Variants in TTC7A observed in about 807,000 individuals in gnomAD.
The protein encoded by TTC7A is tetratricopeptide repeat protein 7A.
In TTC7A, 110 loss-of-function variants were observed where a neutral mutation model predicts 103.7. That is an observed-to-expected ratio of 1.06 (90% CI 0.91 to 1.24). The LOEUF is 1.24. Ranked by LOEUF, TTC7A falls within the 50% of genes most tolerant of loss-of-function variation. The pLI, the probability that TTC7A is intolerant of heterozygous loss-of-function variation, is 0.00. For missense variants in TTC7A, 1,340 were observed against 1,116.3 expected (o/e 1.20, Z -2.86); for synonymous variants, 521 against 467.9 (o/e 1.11, Z -1.47).
At chr2:46,947,179 G>A (rs1035073418) in intron 1 of TTC7A, among the ~76,000 whole-genome samples, 2 of 152,156 alleles carry the variant, frequency 1.3e-5, no homozygotes, top group African/African-American at 4.8e-5. Flanking sequence ...GAGACAGGGT[G>A]TTTTTGGCTC....
At chr2:47,071,457 T>C (rs1684704877) in intron 19 of TTC7A, among the ~76,000 whole-genome samples, 1 of 152,208 alleles carries the variant, frequency 6.6e-6, no homozygotes, top group South Asian at 2.1e-4. Context: ...CTGCTCATCT[T>C]GAAGGCGCTG....
At chr2:46,980,336 C>T (rs1159910061) in intron 5 of TTC7A, among the ~76,000 whole-genome samples, 2 of 151,514 alleles carry the variant, frequency 1.3e-5, no homozygotes, top group Admixed American at 6.6e-5. Context: ...CCTCCCACCT[C>T]AGCCTCCTGA....
At chr2:46,952,718 C>T (rs1671521944) in intron 2 of TTC7A, among the ~76,000 whole-genome samples, 1 of 152,170 alleles carries the variant, frequency 6.6e-6, no homozygotes, top group Non-Finnish European at 1.5e-5. Context: ...TGCCACTGCA[C>T]TCCAGCCTGG....
chr2:46,981,790 A>T (rs183753127), intron 5 of TTC7A, among the ~76,000 whole-genome samples: 1 of 152,198 alleles, frequency 6.6e-6, no homozygotes, highest in African/African-American at 2.4e-5. Flanking sequence ...TCCCTGCCCA[A>T]TGGAGCTGCT....
Position 46,978,562 on chromosome 2 carries a change from T to TAAAAAAAA in TTC7A, c.649-224_649-217dup, listed in dbSNP as rs74444627. 1.4e-4 allele frequency among the ~76,000 whole-genome samples: 18 copies of TAAAAAAAA among 132,756 alleles called. 1 individual carries two copies. The highest frequency in any genetic ancestry group is 1.3e-4 in the Non-Finnish European group (8 of 62,986). The allele number at this position is 132,756 out of a possible 152,430, so 87.1% of individuals were successfully genotyped here. ...GGCAACATAGTAAGACCCTGTTTCT[T>TAAAAAAAA]AAAAAAAAAAAAAGACAGAGGGCTT... On this transcript the variant is annotated intron_variant, in intron 4 of 19. Coordinates refer to ENST00000319190, the MANE Select transcript of TTC7A (RefSeq NM_020458.4).
At chr2:46,940,719 G>A (rs1171855873), upstream of TTC7A, among the ~76,000 whole-genome samples, 3 of 152,238 alleles carry the variant, frequency 2.0e-5, no homozygotes, top group Non-Finnish European at 2.9e-5. The surrounding 1 kb of genome is among the most constrained non-coding windows in gnomAD (Gnocchi z 4.7). Flanking sequence ...CAGCAGAGGG[G>A]CGTCCAGAGA....
In TTC7A at chr2:47,029,289, C is replaced by T. The variant is rs1488968603; in HGVS notation, c.1707C>T (p.Leu569=). The change falls in exon 15 of 20, where the codon CTC becomes CTT. Residue 569 remains leucine (L), a synonymous_variant. Coordinates refer to ENST00000319190, the MANE Select transcript of TTC7A (RefSeq NM_020458.4). ...TACGCAAGGATGATGCCCACGCCCT[C>T]CACCTGCTGGCACTGCTCTTCTCTG... The part of the protein sequence containing the change: ...LKVRKDDAHA[L]HLLALLFSAQ... The T allele has an allele frequency of 6.2e-7, 1 of 1,614,086 alleles. No individual in the cohort carries two copies. The highest frequency in any genetic ancestry group is 1.7e-5 in the Admixed American group (1 of 60,028).
chr2:47,053,040 C>T (rs1452695177), intron 18 of TTC7A, among the ~76,000 whole-genome samples: 1 of 152,122 alleles, frequency 6.6e-6, no homozygotes, highest in East Asian at 1.9e-4. Context: ...GCAGTACGCC[C>T]CCACTCTCCC....
At chr2:46,929,715 CA>C (rs1230675378) in intron 2 of TTC7A, among the ~76,000 whole-genome samples, 1 of 151,988 alleles carries the variant, frequency 6.6e-6, no homozygotes, top group Non-Finnish European at 1.5e-5. Flanking sequence ...GATTGAATTG[CA>C]AAAAGCCAGA....
At chr2:47,025,564 CCA>C (rs1679811105) in intron 14 of TTC7A, among the ~76,000 whole-genome samples, 3 of 152,180 alleles carry the variant, frequency 2.0e-5, no homozygotes, top group Admixed American at 1.3e-4. Flanking sequence ...CCCTCTCACC[CCA>C]TGCCTAGACC....
intron 14 of TTC7A, among the ~76,000 whole-genome samples, chr2:47,028,619 A>T (rs1468584586): frequency 6.6e-6 from 1 of 152,206 alleles, no homozygotes; most frequent in East Asian, 1.9e-4. Flanking sequence ...ATCCAAATCC[A>T]GACCCTTAGA....
At chr2:46,966,731 A>G (rs931464058) in intron 3 of TTC7A, among the ~76,000 whole-genome samples, 8 of 150,314 alleles carry the variant, frequency 5.3e-5, no homozygotes, top group South Asian at 2.1e-4. Flanking sequence ...GGCTCAAGCA[A>G]TCCTCCCACC....
intron 10 of TTC7A, among the ~76,000 whole-genome samples, chr2:47,009,885 T>TG (rs1477305976): frequency 4.6e-5 from 4 of 87,186 alleles, no homozygotes; most frequent in African/African-American, 4.2e-5. Context: ...AGTGTGTGTG[T>TG]GTTTTTTTTT....
At chr2:46,968,989 G>T (rs908102979) in intron 3 of TTC7A, among the ~76,000 whole-genome samples, 1 of 149,540 alleles carries the variant, frequency 6.7e-6, no homozygotes, top group African/African-American at 2.5e-5. Context: ...GGCTGGTCTC[G>T]AACTTCTGGG....
In TTC7A at chr2:46,941,380, T is replaced by TGCC. The variant is rs1670353228; in HGVS notation, c.-160_-159insCGC. On this transcript the variant is annotated 5_prime_UTR_variant, in exon 1 of 20. Coordinates refer to ENST00000319190, the MANE Select transcript of TTC7A (RefSeq NM_020458.4). This position sits in a 1 kb window ranked among gnomAD's most constrained non-coding sequence, Gnocchi z 4.2. ...GAGCTGCTGGTGCTGCTGCTGCTGCTGCTGCCCACCCTCCGCCGCCCGGGC... is the reference window on the plus strand; with the variant it reads ...GAGCTGCTGGTGCTGCTGCTGCTGCTGCCGCTGCCCACCCTCCGCCGCCCGGGC... The TGCC allele has an allele frequency of 2.1e-6, 1 of 486,206 alleles. No homozygotes were observed. Among genetic ancestry groups the TGCC allele is most frequent in the Non-Finnish European group, 2.9e-6 (1 of 340,398 alleles). The allele number at this position is 486,206 out of a possible 1,614,324, so 30.1% of individuals were successfully genotyped here. A position where few individuals can be genotyped will look rare whatever the true frequency, so the allele number is the denominator to read the frequency against.
At chr2:47,006,147 C>G in intron 9 of TTC7A, 88 bp downstream of exon 9, 1 of 1,526,732 alleles carries the variant, frequency 6.5e-7, no homozygotes, top group Non-Finnish European at 8.9e-7. Context: ...CCTTCTCCAC[C>G]TGTCATTCCC....
At chr2:46,948,307 A>G (rs74580433) in intron 1 of TTC7A, among the ~76,000 whole-genome samples, 2,267 of 152,304 alleles carry the variant, frequency 0.015, 52 homozygotes, top group African/African-American at 0.052. Flanking sequence ...CAAGGCCCAC[A>G]GCTCTGGAAT....
chr2:47,015,991 A>G (rs1205566482), intron 11 of TTC7A, among the ~76,000 whole-genome samples: 3 of 152,230 alleles, frequency 2.0e-5, no homozygotes, highest in Non-Finnish European at 2.9e-5. Context: ...CTGCGGGCTC[A>G]GAAACGAACT....
intron 18 of TTC7A, among the ~76,000 whole-genome samples, chr2:47,056,100 G>C (rs1304593713): frequency 2.0e-5 from 3 of 152,184 alleles, no homozygotes; most frequent in African/African-American, 7.2e-5. Context: ...TCCCAGGGAT[G>C]GAGGGTCTCA....
Sources: gnomAD v4.1 joint callset for allele counts (sites outside exome capture counted in the v4.1 genomes callset) on GRCh38, gnomAD v4.1.1 for gene constraint, Gnocchi (gnomAD v3.1) non-coding constraint, MANE v1.5 for transcripts, NCBI Gene and HGNC (gene_info 2026-07-23, HGNC 2026-07-21) for gene names.